RNPC3: variants seen among roughly 807,000 people sequenced by gnomAD.
The protein encoded by RNPC3 is RNA binding region (RNP1, RRM) containing 3.
A neutral mutation model predicts 67.5 loss-of-function variants in RNPC3; 48 were observed. That is an observed-to-expected ratio of 0.71 (90% CI 0.56 to 0.90). The LOEUF is 0.90. Among genes scored for constraint, RNPC3 ranks in the 40% least tolerant of loss-of-function variants. RNPC3 has a pLI of 0.00. For missense variants in RNPC3, 637 were observed against 626.1 expected (o/e 1.02, Z -0.19); for synonymous variants, 239 against 210.3 (o/e 1.14, Z -1.18).
At chr1:103,546,686 A>G in intron 11 of RNPC3, 2 of 340,370 alleles carry the variant, frequency 5.9e-6, no homozygotes, top group East Asian at 5.0e-5. Flanking sequence ...CTTTGAGTGA[A>G]GGATCTGTTC....
At chr1:103,526,318 A>C (rs1353481046) in intron 1 of RNPC3, 56 bp downstream of exon 1, 2 of 1,425,974 alleles carry the variant, frequency 1.4e-6, no homozygotes, top group Non-Finnish European at 1.9e-6. Flanking sequence ...GTGACCGGGG[A>C]GGGGGAGCGC....
chr1:103,543,591 C>A (rs1460935912), intron 9 of RNPC3, 144 bp downstream of exon 9: 1 of 594,428 alleles, frequency 1.7e-6, no homozygotes. Flanking sequence ...GGAATAATAT[C>A]CGCTTTCAAC....
intron 7 of RNPC3, among the ~76,000 whole-genome samples, chr1:103,538,223 G>A (rs1271078561): frequency 6.6e-6 from 1 of 152,134 alleles, no homozygotes; most frequent in African/African-American, 2.4e-5. Context: ...CAACACACAC[G>A]TTCTGAGATG....
Position 103,546,943 on chromosome 1 carries a change from TTTG to T in RNPC3, c.1303-31_1303-29del, listed in dbSNP as rs1224941029. The T allele has an allele frequency of 3.4e-5, 39 of 1,139,320 alleles. No homozygotes were observed. In the African/African-American group the frequency reaches 5.5e-4, roughly 16 times the overall value. 70.6% of individuals were successfully genotyped at this position (1,139,320 alleles called of 1,614,324 possible). A position where few individuals can be genotyped will look rare whatever the true frequency, so the allele number is the denominator to read the frequency against. On this transcript the variant is annotated intron_variant, in intron 11 of 14. Coordinates refer to ENST00000423855, the MANE Select transcript of RNPC3 (RefSeq NM_017619.4). Reference sequence around the variant, plus strand: ...ATTTATTAAGTTTTTTTCCCCTGGCTTTGTTATTTGTCTTTTTCTTATTGAAAT... The same window carrying T: ...ATTTATTAAGTTTTTTTCCCCTGGCTTTATTTGTCTTTTTCTTATTGAAAT...
rs1651374084 is a variant in RNPC3, at chr1:103,550,991, T to C, written c.1412T>C (p.Ile471Thr). ...KEGRMKGQAFIGLPNEKAAAK... is the reference protein window; with the variant it reads ...KEGRMKGQAFTGLPNEKAAAK... ...GGTCGTATGAAAGGACAAGCTTTCA[T>C]TGGACTTCCTAATGAAAAAGCAGCA... is the stretch of plus-strand genomic sequence containing the variant. The change falls in exon 13 of 15, where the codon ATT (isoleucine) becomes ACT (threonine). Residue 471 changes from isoleucine to threonine, a missense_variant. By Grantham distance (89) the Ile-to-Thr change is moderately conservative. Coordinates refer to ENST00000423855, the MANE Select transcript of RNPC3 (RefSeq NM_017619.4). 3.1e-6 allele frequency: 5 copies of C among 1,612,024 alleles called. No individual in the cohort carries two copies. The highest frequency in any genetic ancestry group is 2.2e-5 in the East Asian group (1 of 44,792).
intron 14 of RNPC3, chr1:103,552,779 T>A (rs1651428824): frequency 6.6e-6 from 1 of 151,558 alleles, no homozygotes; most frequent in South Asian, 2.1e-4. Flanking sequence ...AAAAAAAAAA[T>A]CTACAGTGCT....
In RNPC3 at chr1:103,550,955, T is replaced by G. The variant is rs1297975930; in HGVS notation, c.1376T>G (p.Leu459Trp). Reference protein sequence around the residue: ...ETQRIMFDIRLMKEGRMKGQA... With the variant: ...ETQRIMFDIRWMKEGRMKGQA... Reference sequence around the variant, plus strand: ...CTTCCTTCTAGGTTTGATATACGTTTGATGAAAGAAGGTCGTATGAAAGGA... The same window carrying G: ...CTTCCTTCTAGGTTTGATATACGTTGGATGAAAGAAGGTCGTATGAAAGGA... The change falls in exon 13 of 15, where the codon TTG (leucine) becomes TGG (tryptophan). Residue 459 changes from leucine (L) to tryptophan (W), a missense_variant. Around this residue, in one of 3 missense-constraint regions of RNPC3, gnomAD observed 96 missense variants for 105.8 expected, o/e 0.91. Transcript: ENST00000423855. 2 of 1,611,242 alleles carry G rather than the reference T, an allele frequency of 1.2e-6. No homozygotes were observed. The highest frequency in any genetic ancestry group is 1.7e-6 in the Non-Finnish European group (2 of 1,179,512).
chr1:103,551,191 C>A, intron 13 of RNPC3, 118 bp downstream of exon 13: 1 of 824,508 alleles, frequency 1.2e-6, no homozygotes, highest in Non-Finnish European at 1.9e-6. Context: ...AGTAGATATT[C>A]ATTCGTTACA....
At chr1:103,551,349 G>C in intron 13 of RNPC3, 1 of 385,910 alleles carries the variant, frequency 2.6e-6, no homozygotes, top group Non-Finnish European at 4.6e-6. Context: ...AGAGACTAGA[G>C]TATCCAGAAG....
At chr1:103,534,913 A>G (rs1650944275) in intron 4 of RNPC3, 56 bp downstream of exon 4, 4 of 1,005,260 alleles carry the variant, frequency 4.0e-6, no homozygotes, top group Non-Finnish European at 5.8e-6. Flanking sequence ...ATACAGATGT[A>G]CAGATATCTT....
chr1:103,527,481 A>G (rs142967681), intron 1 of RNPC3, among the ~76,000 whole-genome samples: 4 of 152,342 alleles, frequency 2.6e-5, no homozygotes, highest in African/African-American at 9.6e-5. Flanking sequence ...GTGTCTTTAT[A>G]TGATAGAGGT....
At chr1:103,549,860 A>G (rs1651342770) in intron 12 of RNPC3, among the ~76,000 whole-genome samples, 3 of 152,126 alleles carry the variant, frequency 2.0e-5, no homozygotes, top group South Asian at 2.1e-4. Flanking sequence ...GTAATTGCTT[A>G]TAATAATATA....
At chr1:103,528,143 C>T (rs971052097) in intron 2 of RNPC3, among the ~76,000 whole-genome samples, 1 of 152,128 alleles carries the variant, frequency 6.6e-6, no homozygotes, top group African/African-American at 2.4e-5. Context: ...TGGAGATGGG[C>T]CTTCTGGGCT....
In RNPC3 at chr1:103,550,969, C is replaced by T. The variant is rs748058506; in HGVS notation, c.1390C>T (p.Arg464Cys). Residue 464 changes from arginine (R) to cysteine (C), a missense_variant, in exon 13 of 15, where the codon CGT becomes TGT. Coordinates refer to ENST00000423855, the MANE Select transcript of RNPC3 (RefSeq NM_017619.4). Reference sequence around the variant, plus strand: ...TGATATACGTTTGATGAAAGAAGGTCGTATGAAAGGACAAGCTTTCATTGG... The same window carrying T: ...TGATATACGTTTGATGAAAGAAGGTTGTATGAAAGGACAAGCTTTCATTGG... ...MFDIRLMKEG[R>C]MKGQAFIGLP... The T allele has an allele frequency of 3.1e-6, 5 of 1,611,252 alleles. No individual in the cohort carries two copies. Among genetic ancestry groups the T allele is most frequent in the Admixed American group, 1.7e-5 (1 of 59,950 alleles).
At chr1:103,537,269 A>C in intron 6 of RNPC3, 73 bp from the exon 7 acceptor site, 1 of 1,000,872 alleles carries the variant, frequency 1.0e-6, no homozygotes, top group Non-Finnish European at 1.4e-6. Context: ...AATGAGAATG[A>C]AGTATTCAGA....
At chr1:103,534,256 C>A (rs538422019) in intron 3 of RNPC3, among the ~76,000 whole-genome samples, 1 of 152,052 alleles carries the variant, frequency 6.6e-6, no homozygotes, top group African/African-American at 2.4e-5. Context: ...TAGTGGTTCT[C>A]AAAGTGTGGT....
chr1:103,526,974 G>C (rs967509220), intron 1 of RNPC3, among the ~76,000 whole-genome samples: 1 of 151,402 alleles, frequency 6.6e-6, no homozygotes, highest in Non-Finnish European at 1.5e-5. Context: ...TGAATTAGAA[G>C]AAAGACCAAT....
intron 8 of RNPC3, 120 bp downstream of exon 8, chr1:103,541,595 T>G: frequency 2.2e-6 from 2 of 904,092 alleles, no homozygotes. Flanking sequence ...TTACATTGGC[T>G]TCCTAGTTAC....
chr1:103,529,113 G>T (rs1376272197), intron 2 of RNPC3, among the ~76,000 whole-genome samples: 1 of 152,054 alleles, frequency 6.6e-6, no homozygotes. Context: ...CAGATTTTTT[G>T]AAACTAATAG....
Sources: allele counts gnomAD v4.1 joint callset (sites outside exome capture counted in the v4.1 genomes callset), GRCh38; gene constraint gnomAD v4.1.1; regional missense constraint gnomAD v4.1.1; transcripts MANE v1.5; gene names NCBI Gene and HGNC (gene_info 2026-07-23, HGNC 2026-07-21).